Variants in TJP2 observed in about 807,000 individuals in gnomAD.
TJP2 encodes tight junction protein 2.
A neutral mutation model predicts 133.1 loss-of-function variants in TJP2; 91 were observed. The observed-to-expected ratio is 0.68, with a 90% CI of 0.58 to 0.81. The LOEUF (loss-of-function observed/expected upper bound fraction) is 0.81. TJP2 is among the 40% of genes least tolerant of loss of function. TJP2 has a pLI of 0.00. For synonymous variants in TJP2, 592 were observed against 583.4 expected, an observed-to-expected ratio of 1.01 and a Z score of -0.21; for missense variants, 1,541 against 1,565.6, an observed-to-expected ratio of 0.98 and a Z score of 0.26.
intron 1 of TJP2, among the ~76,000 whole-genome samples, chr9:69,128,928 G>A (rs1198056497): frequency 6.6e-6 from 1 of 152,104 alleles, no homozygotes. Context: ...AGTTTCAATG[G>A]TTTAGATTAG....
At chr9:69,213,132 C>T (rs1460109038) in intron 2 of TJP2, among the ~76,000 whole-genome samples, 2 of 137,386 alleles carry the variant, frequency 1.5e-5, no homozygotes, top group Admixed American at 1.7e-4. Context: ...GGTGCAATTT[C>T]GGCTCAGCGC....
In TJP2 at chr9:69,254,230, GA is replaced by G; in HGVS notation, c.3432del (p.Ala1145LeufsTer63). The G allele has an allele frequency of 6.2e-7, 1 of 1,614,248 alleles. No individual in the cohort carries two copies. Among genetic ancestry groups the G allele is most frequent in the Non-Finnish European group, 8.5e-7 (1 of 1,180,046 alleles). On this transcript the variant is annotated frameshift_variant, in exon 23 of 23. Coordinates refer to ENST00000377245, the MANE Select transcript of TJP2 (RefSeq NM_004817.4). LOFTEE classifies it high-confidence loss of function. The stretch of plus-strand genomic sequence containing the variant: ...TTAGTTCCAGACCCCCTGAGCCACA[GA>G]AAGCTCCTTCCAGACCTTATCAGGA... ...HTSSRPPEPQKAPSRPYQDTR... is the reference protein window; with the variant it reads ...HTSSRPPEPQXAPSRPYQDTR...
intron 7 of TJP2, 69 bp downstream of exon 7, chr9:69,226,244 T>G: frequency 1.3e-6 from 2 of 1,549,586 alleles, no homozygotes; most frequent in Non-Finnish European, 1.8e-6. Context: ...TTCTTCTATT[T>G]AGTGTAGCTA....
rs1281220114 is a variant in TJP2 at position 69,237,108 on chromosome 9, A to G, written c.2151A>G (p.Pro717=). 1 of 1,614,132 alleles carries G rather than the reference A, an allele frequency of 6.2e-7. No individual in the cohort carries two copies. Among genetic ancestry groups the G allele is most frequent in the Non-Finnish European group, 8.5e-7 (1 of 1,180,022 alleles). The change falls in exon 14 of 23, where the codon CCA becomes CCG. Residue 717 remains proline, a synonymous_variant. Transcript: ENST00000377245. ...TTGTGTCTGTCAGCACCAAGTTCCC[A>G]GCTTATGAGAGGGTTTTGCTGCGAG... ...TAVVSVSTKF[P]AYERVLLREA...
At position 69,251,363 on chromosome 9, in the gene TJP2, G is replaced by T. The variant is rs1831317572; in HGVS notation, c.3320G>T (p.Arg1107Met). The T allele has an allele frequency of 2.5e-6, 4 of 1,612,690 alleles. No individual in the cohort carries two copies. The Admixed American group carries it at 6.7e-5, about 27-fold the overall frequency. Residue 1107 changes from arginine (R) to methionine (M), a missense_variant and splice_region_variant, in exon 21 of 23, where the codon AGG (arginine) becomes ATG (methionine). Physicochemically the swap from Arg to Met is moderately conservative, Grantham distance 91 (BLOSUM62 -1). Coordinates refer to ENST00000377245, the MANE Select transcript of TJP2 (RefSeq NM_004817.4). ...MQELQEAQNA[R>M]IEIAQKHPDI... ...GAGCTCCAGGAAGCACAGAATGCAA[G>T]GGTAATTGTTTTTAAACTACACATC...
At chr9:69,239,835 A>G (rs1588139462) in intron 16 of TJP2, 102 bp from the exon 17 acceptor site, 3 of 1,006,178 alleles carry the variant, frequency 3.0e-6, no homozygotes, top group Non-Finnish European at 4.6e-6. Context: ...CAAACAAACA[A>G]ACAAGATATA....
At chr9:69,151,903 A>G in intron 2 of TJP2, 1 of 939,084 alleles carries the variant, frequency 1.1e-6, no homozygotes. Flanking sequence ...ATACATTTTC[A>G]TAGAAAATTT....
rs776461724 is a variant in TJP2, at chr9:69,221,247, C to T, written c.703C>T (p.Arg235Trp). The change falls in exon 5 of 23, where the codon CGG becomes TGG. Residue 235 changes from arginine (R) to tryptophan (W), a missense_variant. Arg to Trp is a moderately radical substitution (Grantham distance 101). Coordinates refer to ENST00000377245, the MANE Select transcript of TJP2 (RefSeq NM_004817.4). ...CCACGACTTTGGGCCATCCCGGGAC[C>T]GGGACCGTGACCGCAGCCGCGGCCG... is the stretch of plus-strand genomic sequence containing the variant. Reference protein sequence around the residue: ...LDHDFGPSRDRDRDRSRGRSI... With the variant: ...LDHDFGPSRDWDRDRSRGRSI... 1.6e-5 allele frequency: 25 copies of T among 1,607,882 alleles called. No individual in the cohort carries two copies. Among genetic ancestry groups the T allele is most frequent in the Admixed American group, 3.4e-5 (2 of 59,594 alleles).
chr9:69,249,510 GGGAAGGAAGAGGAAGCAGAT>G (rs1447621593), intron 20 of TJP2, 25 bp downstream of exon 20: 9 of 1,582,324 alleles, frequency 5.7e-6, no homozygotes, highest in Middle Eastern at 1.7e-4. Flanking sequence ...AGCCCAGGAT[GGGAAGGAAGAGGAAGCAGAT>G]GCCTCTGAAG....
chr9:69,160,592 G>A (rs1824014830), intron 2 of TJP2, among the ~76,000 whole-genome samples: 3 of 152,178 alleles, frequency 2.0e-5, no homozygotes, highest in South Asian at 4.2e-4. Flanking sequence ...AAAATCACAC[G>A]ATTCACTCAA....
intron 1 of TJP2, among the ~76,000 whole-genome samples, chr9:69,176,221 T>C (rs952544091): frequency 5.3e-5 from 8 of 152,296 alleles, no homozygotes; most frequent in South Asian, 2.1e-4. Context: ...CAAGCCACTA[T>C]AGAAAATGGG....
intron 1 of TJP2, among the ~76,000 whole-genome samples, chr9:69,130,992 C>T (rs1359720184): frequency 2.0e-5 from 3 of 152,234 alleles, no homozygotes; most frequent in Admixed American, 1.3e-4. Context: ...GCAGCATCCC[C>T]GGGCAGTGGG....
At chr9:69,210,857 A>G (rs1216769005) in intron 1 of TJP2, among the ~76,000 whole-genome samples, 4 of 150,156 alleles carry the variant, frequency 2.7e-5, no homozygotes, top group Admixed American at 2.0e-4. Flanking sequence ...CCTCCTGAGT[A>G]GCTGGGACTA....
chr9:69,254,423 G>C lies in TJP2; in HGVS notation c.*49G>C, dbSNP rs778858720. On this transcript the variant is annotated 3_prime_UTR_variant, in exon 23 of 23. Transcript: ENST00000377245. ...GGCCTGCCTGCATGGCATCAGACTA[G>C]CCACTCCTGCCAGGCCGCCGGGATG... 11 of 1,611,104 alleles carry C rather than the reference G, an allele frequency of 6.8e-6. No homozygotes were observed. The East Asian group carries it at 2.5e-4, about 36-fold the overall frequency.
At chr9:69,228,939 T>C (rs1044735036) in intron 9 of TJP2, among the ~76,000 whole-genome samples, 1 of 152,250 alleles carries the variant, frequency 6.6e-6, no homozygotes, top group Admixed American at 6.5e-5. Flanking sequence ...TTAAAAATTC[T>C]ATGTTCTTGT....
At chr9:69,197,183 C>G (rs145186216) in intron 1 of TJP2, among the ~76,000 whole-genome samples, 10,806 of 152,152 alleles carry the variant, frequency 0.071, 545 homozygotes, top group Non-Finnish European at 0.1. Context: ...TCTTGAACTC[C>G]TGAACTCAAG....
chr9:69,225,423 CAGAGAACGGT>C lies in TJP2; in HGVS notation c.1056+19_1056+28del. The C allele has an allele frequency of 6.4e-7, 1 of 1,555,464 alleles. No homozygotes were observed. Among genetic ancestry groups the C allele is most frequent in the Non-Finnish European group, 8.9e-7 (1 of 1,127,468 alleles). On this transcript the variant is annotated intron_variant, in intron 6 of 22. Transcript: ENST00000377245. The stretch of plus-strand genomic sequence containing the variant: ...AATTCTCAAGGTGGGTAGATGGGGG[CAGAGAACGGT>C]AGTGTGCATACTGCCGTTCATCGCC...
In TJP2 at chr9:69,218,355, C is replaced by G. The variant is rs1828549467; in HGVS notation, c.338C>G (p.Ala113Gly). ...QQLRKSGKVA[A>G]IVVKRPRKVQ... ...CTCAGAAAAAGTGGGAAGGTCGCTGCTATTGTAAGTACTGGGTTTGCTTTC... is the reference window on the plus strand; with the variant it reads ...CTCAGAAAAAGTGGGAAGGTCGCTGGTATTGTAAGTACTGGGTTTGCTTTC... Residue 113 changes from alanine (A) to glycine (G), a missense_variant, in exon 4 of 23, where the codon GCT (alanine) becomes GGT (glycine). Ala to Gly is a moderately conservative substitution (Grantham distance 60). Transcript: ENST00000377245. 2 of 1,613,790 alleles carry G rather than the reference C, an allele frequency of 1.2e-6. No individual in the cohort carries two copies. Among genetic ancestry groups the G allele is most frequent in the African/African-American group, 2.7e-5 (2 of 75,038 alleles).
At chr9:69,247,098 A>G (rs1317189956) in intron 18 of TJP2, among the ~76,000 whole-genome samples, 6 of 152,358 alleles carry the variant, frequency 3.9e-5, no homozygotes, top group Admixed American at 2.6e-4. Context: ...ACAGCTTACT[A>G]AGGACGTGGG....
Sources: allele counts gnomAD v4.1 joint callset (sites outside exome capture counted in the v4.1 genomes callset), GRCh38; gene constraint gnomAD v4.1.1; transcripts MANE v1.5; gene names NCBI Gene and HGNC (gene_info 2026-07-23, HGNC 2026-07-21).